ART3: variants seen among roughly 807,000 people sequenced by gnomAD.
ART3 encodes the protein ADP-ribosyltransferase 3 (inactive).
ART3 carries 49 observed loss-of-function variants against 48.5 expected under a neutral mutation model. The observed-to-expected ratio is 1.01, with a 90% confidence interval of 0.80 to 1.28. The LOEUF is 1.28. Among genes scored for constraint, ART3 ranks in the 50% most tolerant of loss-of-function variants. The pLI is 0.00. For missense variants in ART3, 438 were observed against 454.3 expected (o/e 0.96, Z 0.33); for synonymous variants, 145 against 157.2 (o/e 0.92, Z 0.58).
At chr4:76,097,127 G>A (rs1018043038) in intron 3 of ART3, among the ~76,000 whole-genome samples, 5 of 152,132 alleles carry the variant, frequency 3.3e-5, no homozygotes, top group African/African-American at 9.7e-5. Context: ...ACTGAATTCC[G>A]GAAAGCTTAG....
intron 1 of ART3, among the ~76,000 whole-genome samples, chr4:76,043,530 T>G (rs1306139756): frequency 6.6e-6 from 1 of 152,090 alleles, no homozygotes. Context: ...CTGGCCTGGG[T>G]GCTAAGCCCC....
rs11097233 is a variant in ART3 at position 76,103,983 on chromosome 4, C to T, written c.970+14C>T. ...CCCAAATACCTGGTAAGACAGCTTT[C>T]TATTTACTCCCTGAGCCCAAGAATG... On this transcript the variant is annotated intron_variant, in intron 9 of 11. Transcript: ENST00000355810. 117,843 of 1,610,928 alleles carry T rather than the reference C, an allele frequency of 0.073. 5,480 individuals carry two copies. The highest frequency in any genetic ancestry group is 0.18 in the Admixed American group (10,965 of 59,816).
intron 1 of ART3, among the ~76,000 whole-genome samples, chr4:76,028,410 C>T (rs888085565): frequency 2.0e-5 from 3 of 152,158 alleles, no homozygotes; most frequent in East Asian, 1.9e-4. Context: ...CCGTTTCAGT[C>T]GCTATTGATT....
chr4:76,106,133 C>T (rs898295487), intron 10 of ART3: 23 of 985,290 alleles, frequency 2.3e-5, no homozygotes, highest in Non-Finnish European at 2.8e-5. Context: ...CATAAGAAGG[C>T]TAACAAATTT....
intron 1 of ART3, among the ~76,000 whole-genome samples, chr4:76,051,877 ATGT>A (rs1188650837): frequency 1.6e-5 from 2 of 125,018 alleles, no homozygotes; most frequent in Non-Finnish European, 3.4e-5. Context: ...TTCTGAGTTT[ATGT>A]TGTATCTCTC....
At chr4:76,076,806 A>C (rs1198501507) in intron 2 of ART3, among the ~76,000 whole-genome samples, 1 of 152,190 alleles carries the variant, frequency 6.6e-6, no homozygotes, top group Non-Finnish European at 1.5e-5. Context: ...AGCATCCTGT[A>C]ACATATTTTT....
At chr4:76,059,884 A>G (rs1336902109) in intron 1 of ART3, among the ~76,000 whole-genome samples, 1 of 152,228 alleles carries the variant, frequency 6.6e-6, no homozygotes, top group Non-Finnish European at 1.5e-5. Flanking sequence ...TAAGTTAGAT[A>G]TGTAACACTA....
At chr4:76,077,266 T>G (rs1237554735) in intron 2 of ART3, among the ~76,000 whole-genome samples, 1 of 152,240 alleles carries the variant, frequency 6.6e-6, no homozygotes, top group East Asian at 1.9e-4. Context: ...TTCGCCTAAA[T>G]GGAATCATAC....
rs1236211112 is a variant in ART3, at chr4:76,101,031, A to G, written c.937+12A>G. The G allele has an allele frequency of 2.5e-6, 4 of 1,612,926 alleles. No individual in the cohort carries two copies. The highest frequency in any genetic ancestry group is 3.4e-6 in the Non-Finnish European group (4 of 1,179,780). ...GCTTGAAGACCATGGTAAGACATTT[A>G]TGTAAATTCTGGGGGCTTACATTTT... On this transcript the variant is annotated intron_variant, in intron 8 of 11. Transcript: ENST00000355810.
intron 3 of ART3, among the ~76,000 whole-genome samples, chr4:76,087,221 T>C (rs1458460115): frequency 6.6e-6 from 1 of 152,162 alleles, no homozygotes; most frequent in African/African-American, 2.4e-5. Flanking sequence ...TTCTATTGGA[T>C]TGATTCTGAA....
At chr4:76,075,815 C>A in intron 1 of ART3, 66 bp from the exon 2 acceptor site, 1 of 1,218,142 alleles carries the variant, frequency 8.2e-7, no homozygotes, top group Non-Finnish European at 1.2e-6. Flanking sequence ...GCAGTGTCAT[C>A]CTATTCTACT....
chr4:76,055,555 G>A (rs1718607704), intron 1 of ART3, among the ~76,000 whole-genome samples: 1 of 152,162 alleles, frequency 6.6e-6, no homozygotes, highest in Non-Finnish European at 1.5e-5. Context: ...GAGATGAAAC[G>A]GGAGTGAAAG....
chr4:76,059,249 T>C (rs1718958475), intron 1 of ART3, among the ~76,000 whole-genome samples: 1 of 152,174 alleles, frequency 6.6e-6, no homozygotes, highest in African/African-American at 2.4e-5. Flanking sequence ...TTAACAGACT[T>C]TTTGGTTGCC....
At chr4:76,046,493 T>G (rs1735513474) in intron 1 of ART3, among the ~76,000 whole-genome samples, 1 of 152,032 alleles carries the variant, frequency 6.6e-6, no homozygotes, top group South Asian at 2.1e-4. Flanking sequence ...TTTTAAATGT[T>G]TAACAATATT....
intron 1 of ART3, among the ~76,000 whole-genome samples, chr4:76,025,548 T>G (rs1225574747): frequency 1.3e-5 from 2 of 152,238 alleles, no homozygotes; most frequent in African/African-American, 4.8e-5. Context: ...ATTGACTCAT[T>G]TTATTCTTAT....
chr4:76,072,092 AT>A (rs1174878581), upstream of ART3, among the ~76,000 whole-genome samples: 2 of 152,004 alleles, frequency 1.3e-5, no homozygotes, highest in South Asian at 4.1e-4. Context: ...AATTTTTAAA[AT>A]TTTTTTGTAG....
intron 1 of ART3, among the ~76,000 whole-genome samples, chr4:76,029,433 A>G (rs1489075379): frequency 6.6e-6 from 1 of 152,188 alleles, no homozygotes; most frequent in East Asian, 1.9e-4. Flanking sequence ...TAGGTACTTA[A>G]GTGAAACTAT....
chr4:76,022,483 T>C, intron 1 of ART3: 2 of 1,597,240 alleles, frequency 1.3e-6, no homozygotes, highest in Non-Finnish European at 1.7e-6. Context: ...GATGAAAATA[T>C]TTAAAACTGT....
chr4:76,016,654 T>C (rs1732290376), intron 1 of ART3, among the ~76,000 whole-genome samples: 1 of 152,202 alleles, frequency 6.6e-6, no homozygotes, highest in African/African-American at 2.4e-5. Context: ...TATCCTTCCC[T>C]GCAAGCAGCA....
Sources: allele counts gnomAD v4.1 joint callset (sites outside exome capture counted in the v4.1 genomes callset), GRCh38; gene constraint gnomAD v4.1.1; transcripts MANE v1.5; gene names NCBI Gene and HGNC (gene_info 2026-07-23, HGNC 2026-07-21).